Variants in CNNM4 observed in about 807,000 individuals in gnomAD.
CNNM4 encodes cyclin and CBS domain divalent metal cation transport mediator 4, also known as metal transporter CNNM4.
In CNNM4, 32 loss-of-function variants were observed where a neutral mutation model predicts 53.7. That is an observed-to-expected ratio of 0.60 (90% CI 0.45 to 0.80). The LOEUF (loss-of-function observed/expected upper bound fraction) is 0.80. Ranked by LOEUF, CNNM4 falls within the 30% of genes least tolerant of loss-of-function variation. CNNM4 has a pLI of 0.00. For synonymous variants in CNNM4, 410 were observed against 440.0 expected (o/e 0.93, Z 0.85); for missense variants, 784 against 1,022.0 (o/e 0.77, Z 3.17).
chr2:96,804,226 A>ATTTT (rs772324853), intron 5 of CNNM4, among the ~76,000 whole-genome samples: 3 of 127,138 alleles, frequency 2.4e-5, no homozygotes, highest in Non-Finnish European at 5.1e-5. Flanking sequence ...CACGTCACTA[A>ATTTT]TTTTTTTTTT....
chr2:96,773,803 A>T (rs1036587332), intron 1 of CNNM4, among the ~76,000 whole-genome samples: 1 of 150,684 alleles, frequency 6.6e-6, no homozygotes, highest in Non-Finnish European at 1.5e-5. Flanking sequence ...AGATCATGCC[A>T]CTGCACTCCA....
intron 1 of CNNM4, among the ~76,000 whole-genome samples, chr2:96,784,241 T>C (rs1483482285): frequency 6.6e-6 from 1 of 152,108 alleles, no homozygotes; most frequent in East Asian, 1.9e-4. Flanking sequence ...CACTCTAGCC[T>C]GGGTGGCAGC....
intron 1 of CNNM4, among the ~76,000 whole-genome samples, chr2:96,781,844 A>G (rs1348521734): frequency 6.6e-6 from 1 of 152,134 alleles, no homozygotes; most frequent in East Asian, 1.9e-4. Context: ...GAAGGCTTTC[A>G]AAGTTGATCA....
In CNNM4 at chr2:96,789,877, G is replaced by C. The variant is rs187758203; in HGVS notation, c.1403-7135G>C. On this transcript the variant is annotated intron_variant, in intron 1 of 6. Coordinates refer to ENST00000377075, the MANE Select transcript of CNNM4 (RefSeq NM_020184.4). ...CTGGCTAATTTTTGTATTTTTAGTA[G>C]AGACGGTGTTTCACCATGTTGGTCA... Among the ~76,000 whole-genome samples the C allele has an allele frequency of 1.4e-3, 217 of 150,978 alleles. 3 individuals are homozygous for C. In the East Asian group the frequency reaches 0.038, roughly 26 times the overall value.
At chr2:96,775,222 G>A (rs941181612) in intron 1 of CNNM4, among the ~76,000 whole-genome samples, 3 of 152,036 alleles carry the variant, frequency 2.0e-5, no homozygotes, top group Admixed American at 6.6e-5. Flanking sequence ...GCCCACCCCT[G>A]ACCCCATGCA....
intron 1 of CNNM4, among the ~76,000 whole-genome samples, chr2:96,774,344 G>A (rs1190566114): frequency 6.6e-6 from 1 of 152,158 alleles, no homozygotes; most frequent in Admixed American, 6.5e-5. Context: ...GAGGCCAGGA[G>A]TTTGAGGTTA....
At chr2:96,791,194 C>G (rs898308446) in intron 1 of CNNM4, among the ~76,000 whole-genome samples, 2 of 151,782 alleles carry the variant, frequency 1.3e-5, no homozygotes, top group African/African-American at 4.8e-5. Flanking sequence ...CCCAGCTACT[C>G]AGGAGGCTGG....
chr2:96,800,986 CCGT>C lies in CNNM4; in HGVS notation c.1948+1340_1948+1342del. ...CATCTCTGCCCAAAGCAGCCTGGCC[CCGT>C]CAGGTCTGCCTCTGTCCTGTGCCTG... On this transcript the variant is annotated intron_variant, in intron 5 of 6. Coordinates refer to ENST00000377075, the MANE Select transcript of CNNM4 (RefSeq NM_020184.4). The surrounding 1 kb of genome is among the most constrained non-coding windows in gnomAD (Gnocchi z 4.6). 1.7e-5 allele frequency: 9 copies of C among 538,248 alleles called. No individual in the cohort carries two copies. The highest frequency in any genetic ancestry group is 2.1e-5 in the Non-Finnish European group (9 of 421,684). 33.3% of individuals were successfully genotyped at this position (538,248 alleles called of 1,614,324 possible). A position where few individuals can be genotyped will look rare whatever the true frequency, so the allele number is the denominator to read the frequency against.
At chr2:96,762,492 T>A in intron 1 of CNNM4, 91 bp downstream of exon 1, 1 of 1,214,038 alleles carries the variant, frequency 8.2e-7, no homozygotes, top group South Asian at 1.2e-5. Context: ...TAGTGTTCTG[T>A]TTGTGTGACT....
At chr2:96,777,989 G>A (rs1393340112) in intron 1 of CNNM4, among the ~76,000 whole-genome samples, 1 of 150,780 alleles carries the variant, frequency 6.6e-6, no homozygotes, top group Non-Finnish European at 1.5e-5. Context: ...ACCTCAGCCC[G>A]CCAAGTAGCT....
chr2:96,797,547 G>T lies in CNNM4; in HGVS notation c.1581G>T (p.Lys527Asn). Residue 527 changes from lysine to asparagine, a missense_variant, in exon 3 of 7, where the codon AAG becomes AAT. By Grantham distance (94) the Lys-to-Asn change is moderately conservative. Transcript: ENST00000377075. This position sits in a 1 kb window ranked among gnomAD's most constrained non-coding sequence, Gnocchi z 6.0. ...GAAGCCGGAAGCGGGTGTCTGAGAA[G>T]AACAAGCGTGACTTCTCTGCCTTCA... is the stretch of plus-strand genomic sequence containing the variant. ...DNRSRKRVSE[K>N]NKRDFSAFKD... The T allele has an allele frequency of 6.2e-7, 1 of 1,614,240 alleles. No individual in the cohort carries two copies. Among genetic ancestry groups the T allele is most frequent in the South Asian group, 1.1e-5 (1 of 91,086 alleles).
intron 1 of CNNM4, among the ~76,000 whole-genome samples, chr2:96,772,448 A>AC (rs2153345242): frequency 1.0e-5 from 1 of 98,024 alleles, no homozygotes; most frequent in East Asian, 3.1e-4. Context: ...ACACACTCAT[A>AC]CCCCCACATA....
At chr2:96,767,799 C>T (rs1171065587) in intron 1 of CNNM4, among the ~76,000 whole-genome samples, 1 of 152,220 alleles carries the variant, frequency 6.6e-6, no homozygotes, top group East Asian at 1.9e-4. Flanking sequence ...ATCCTCCTGG[C>T]TGTGGCTCAC....
At position 96,808,954 on chromosome 2, in the gene CNNM4, C is replaced by T. The variant is rs545287155; in HGVS notation, c.2130+212C>T. Reference sequence around the variant, plus strand: ...CTCTTGGGTTCAAGGATTCCTCCCACCTCAGCCTCCTGAGTAGCTGGGACT... The same window carrying T: ...CTCTTGGGTTCAAGGATTCCTCCCATCTCAGCCTCCTGAGTAGCTGGGACT... On this transcript the variant is annotated intron_variant, in intron 6 of 6. Coordinates refer to ENST00000377075, the MANE Select transcript of CNNM4 (RefSeq NM_020184.4). The surrounding 1 kb of genome is among the most constrained non-coding windows in gnomAD (Gnocchi z 4.9). 6.6e-6 allele frequency among the ~76,000 whole-genome samples: 1 copy of T among 151,948 alleles called. No homozygotes were observed. The highest frequency in any genetic ancestry group is 2.1e-4 in the South Asian group (1 of 4,828).
rs755155971 is a variant in CNNM4 at position 96,761,178 on chromosome 2, C to G, written c.179C>G (p.Thr60Arg). 7.4e-6 allele frequency: 12 copies of G among 1,612,814 alleles called. No individual in the cohort carries two copies. Among genetic ancestry groups the G allele is most frequent in the Non-Finnish European group, 1.7e-6 (2 of 1,179,194 alleles). The change falls in exon 1 of 7, where the codon ACG becomes AGG. Residue 60 changes from threonine to arginine, a missense_variant. Around this residue, in one of 3 missense-constraint regions of CNNM4, gnomAD observed 473 missense variants for 624.6 expected, o/e 0.76. Transcript: ENST00000377075. The surrounding 1 kb of genome is among the most constrained non-coding windows in gnomAD (Gnocchi z 6.0). ...GCGAGCTGCAACAAGTCGTGTGGGA[C>G]GAACCCGGATGGCATCATCTTCGTG... ...RLASCNKSCGTNPDGIIFVSE... is the reference protein window; with the variant it reads ...RLASCNKSCGRNPDGIIFVSE...
At position 96,809,417 on chromosome 2, in the gene CNNM4, T is replaced by C. The variant is rs2079237749; in HGVS notation, c.2228T>C (p.Leu743Ser). 12 of 1,614,116 alleles carry C rather than the reference T, an allele frequency of 7.4e-6. No individual in the cohort carries two copies. The highest frequency in any genetic ancestry group is 1.0e-5 in the Non-Finnish European group (12 of 1,180,006). ...IDGCTTHMENLAEKSELPVVD... is the reference protein window; with the variant it reads ...IDGCTTHMENSAEKSELPVVD... ...GGGTGCACCACCCACATGGAGAACT[T>C]GGCCGAGAAGTCTGAGCTGCCTGTG... The change falls in exon 7 of 7, where the codon TTG becomes TCG. Residue 743 changes from leucine to serine, a missense_variant. By Grantham distance (145) the Leu-to-Ser change is moderately radical. This residue lies in a region of CNNM4 where 307 missense variants were observed against 376.3 expected (regional missense o/e 0.82). Coordinates refer to ENST00000377075, the MANE Select transcript of CNNM4 (RefSeq NM_020184.4).
chr2:96,775,528 C>T (rs548203013), intron 1 of CNNM4, among the ~76,000 whole-genome samples: 1 of 152,250 alleles, frequency 6.6e-6, no homozygotes, highest in Admixed American at 6.5e-5. Flanking sequence ...TCTTGCTGAA[C>T]GTATGAAGGC....
chr2:96,776,102 C>T (rs1574061118), intron 1 of CNNM4, among the ~76,000 whole-genome samples: 2 of 146,100 alleles, frequency 1.4e-5, no homozygotes, highest in South Asian at 4.6e-4. Flanking sequence ...GATCTCAGCT[C>T]ACCACAACCT....
intron 1 of CNNM4, among the ~76,000 whole-genome samples, chr2:96,767,824 C>T (rs542419353): frequency 6.6e-6 from 1 of 152,298 alleles, no homozygotes; most frequent in South Asian, 2.1e-4. Context: ...GTAATCCTAG[C>T]ACTTTGGGAG....
Sources: allele counts gnomAD v4.1 joint callset (sites outside exome capture counted in the v4.1 genomes callset), GRCh38; gene constraint gnomAD v4.1.1; regional missense constraint gnomAD v4.1.1; non-coding constraint Gnocchi (gnomAD v3.1); transcripts MANE v1.5; gene names NCBI Gene and HGNC (gene_info 2026-07-23, HGNC 2026-07-21).